RXFP2: variants seen among roughly 807,000 people sequenced by gnomAD.
RXFP2 encodes relaxin receptor 2.
Under a neutral mutation model 88.6 loss-of-function variants are expected in RXFP2, and 68 were observed. The ratio of observed to expected loss-of-function variants is 0.77; its 90% CI spans 0.63 to 0.94. The LOEUF is 0.94. Among genes scored for constraint, RXFP2 ranks in the 40% least tolerant of loss-of-function variants. RXFP2 has a pLI of 0.00. For synonymous variants in RXFP2, 329 were observed against 306.8 expected (o/e 1.07, Z -0.76); for missense variants, 791 against 893.9 (o/e 0.88, Z 1.47).
chr13:31,773,461 A>AC (rs1314936997), intron 5 of RXFP2, among the ~76,000 whole-genome samples: 2 of 149,056 alleles, frequency 1.3e-5, no homozygotes, highest in Non-Finnish European at 3.0e-5. Flanking sequence ...ATTTACTTTC[A>AC]CTTTCTTTTT....
chr13:31,776,035 C>CT (rs1566227633), intron 7 of RXFP2, among the ~76,000 whole-genome samples: 3 of 151,900 alleles, frequency 2.0e-5, no homozygotes, highest in Non-Finnish European at 4.4e-5. Context: ...TTCCAGGCAA[C>CT]TTTTTCTTTC....
intron 17 of RXFP2, among the ~76,000 whole-genome samples, chr13:31,799,659 G>T (rs992896062): frequency 6.6e-6 from 1 of 152,156 alleles, no homozygotes; most frequent in Non-Finnish European, 1.5e-5. Context: ...ATCTCAGGGA[G>T]ACCATCTCAC....
chr13:31,747,886 T>C (rs1871492023), intron 1 of RXFP2, among the ~76,000 whole-genome samples: 2 of 152,286 alleles, frequency 1.3e-5, no homozygotes, highest in South Asian at 4.1e-4. Flanking sequence ...TCTGAGATGA[T>C]CATCAAAGAA....
Position 31,802,175 on chromosome 13 carries a change from T to G in RXFP2, c.2035T>G (p.Phe679Val). The G allele has an allele frequency of 6.2e-7, 1 of 1,614,158 alleles. No individual in the cohort carries two copies. The highest frequency in any genetic ancestry group is 1.3e-5 in the African/African-American group (1 of 75,060). The stretch of plus-strand genomic sequence containing the variant: ...AATGACTTCCTGGATAGTGATTTTT[T>G]TCCTTCCAGTTAACAGTGCTTTGAA... The part of the protein sequence containing the change: ...DTMTSWIVIF[F>V]LPVNSALNPI... The change falls in exon 18 of 18, where the codon TTC becomes GTC. Residue 679 changes from phenylalanine to valine, a missense_variant. Physicochemically the swap from Phe to Val is conservative, Grantham distance 50. Coordinates refer to ENST00000298386, the MANE Select transcript of RXFP2 (RefSeq NM_130806.5).
chr13:31,781,826 A>C, intron 10 of RXFP2, 84 bp downstream of exon 10: 1 of 1,109,816 alleles, frequency 9.0e-7, no homozygotes, highest in Non-Finnish European at 1.4e-6. Flanking sequence ...AAAAATTTTA[A>C]AGTAGTGTTT....
At chr13:31,773,526 G>A (rs1872810072) in intron 5 of RXFP2, among the ~76,000 whole-genome samples, 1 of 151,478 alleles carries the variant, frequency 6.6e-6, no homozygotes, top group Non-Finnish European at 1.5e-5. Context: ...TAAGTGTACA[G>A]TTTAGTGGTA....
chr13:31,740,152 A>T (rs899343874), intron 1 of RXFP2, among the ~76,000 whole-genome samples: 2 of 152,142 alleles, frequency 1.3e-5, no homozygotes, highest in Non-Finnish European at 2.9e-5. Context: ...CCACAGGCAG[A>T]TCTAAAAAAC....
intron 15 of RXFP2, among the ~76,000 whole-genome samples, chr13:31,792,395 A>G (rs759899624): frequency 1.5e-4 from 23 of 152,200 alleles, no homozygotes; most frequent in Non-Finnish European, 2.5e-4. Context: ...TGAAGATACT[A>G]TATGTTAACT....
chr13:31,793,431 C>CTT lies in RXFP2; in HGVS notation c.1786+356_1786+357dup, dbSNP rs35293680. On this transcript the variant is annotated intron_variant, in intron 16 of 17. Coordinates refer to ENST00000298386, the MANE Select transcript of RXFP2 (RefSeq NM_130806.5). ...GTAAACCTACCAAGTTATTTAAACT[C>CTT]TTTTTTTTTTTTTTACAATCTAGTT... 5.9e-4 allele frequency among the ~76,000 whole-genome samples: 86 copies of CTT among 144,612 alleles called. 1 individual carries two copies. The highest frequency in any genetic ancestry group is 3.6e-3 in the Middle Eastern group (1 of 276). 94.9% of individuals were successfully genotyped at this position (144,612 alleles called of 152,430 possible).
chr13:31,746,540 C>T (rs1028973808), intron 1 of RXFP2, among the ~76,000 whole-genome samples: 2 of 152,148 alleles, frequency 1.3e-5, no homozygotes, highest in African/African-American at 2.4e-5. Context: ...ACCACTCCCA[C>T]CTTTAAGAGA....
chr13:31,742,954 A>G (rs943235595), intron 1 of RXFP2, among the ~76,000 whole-genome samples: 1 of 152,214 alleles, frequency 6.6e-6, no homozygotes, highest in African/African-American at 2.4e-5. Flanking sequence ...CTTGTTTCAC[A>G]TGTGAAGTAG....
Position 31,802,617 on chromosome 13 carries a change from C to A in RXFP2, c.*212C>A. ...AGCACCAAAGGTTCCTCTCCTCACCCCACATGCCTGAAAAGCACATGTGAA... is the reference window on the plus strand; with the variant it reads ...AGCACCAAAGGTTCCTCTCCTCACCACACATGCCTGAAAAGCACATGTGAA... On this transcript the variant is annotated 3_prime_UTR_variant, in exon 18 of 18. Coordinates refer to ENST00000298386, the MANE Select transcript of RXFP2 (RefSeq NM_130806.5). 1.7e-6 allele frequency: 1 copy of A among 585,480 alleles called. No homozygotes were observed. 36.3% of individuals were successfully genotyped at this position (585,480 alleles called of 1,614,324 possible).
chr13:31,777,262 C>A, intron 7 of RXFP2, 114 bp from the exon 8 acceptor site: 1 of 719,794 alleles, frequency 1.4e-6, no homozygotes. Flanking sequence ...AGGGAAGGGA[C>A]AGGTGAGCCA....
At chr13:31,767,899 T>C (rs909797899) in intron 5 of RXFP2, among the ~76,000 whole-genome samples, 5 of 152,090 alleles carry the variant, frequency 3.3e-5, no homozygotes, top group Non-Finnish European at 7.4e-5. Flanking sequence ...AGCTGACTTC[T>C]GGGGAGGGGG....
intron 9 of RXFP2, 49 bp from the exon 10 acceptor site, chr13:31,781,622 A>T: frequency 7.5e-7 from 1 of 1,339,630 alleles, no homozygotes; most frequent in East Asian, 2.3e-5. Flanking sequence ...CTCTAAGCAT[A>T]TGATTTGTAC....
chr13:31,773,322 C>A (rs1305237021), intron 5 of RXFP2, among the ~76,000 whole-genome samples: 1 of 152,142 alleles, frequency 6.6e-6, no homozygotes, highest in Non-Finnish European at 1.5e-5. Flanking sequence ...TTCTGTAGTG[C>A]CAACACTTGG....
intron 2 of RXFP2, among the ~76,000 whole-genome samples, chr13:31,760,385 T>C (rs9549007): frequency 0.5 from 76,676 of 152,072 alleles, 20,175 homozygotes; most frequent in Admixed American, 0.6. Context: ...GCCACTGCGC[T>C]TGGCCCTTAT....
intron 11 of RXFP2, 62 bp from the exon 12 acceptor site, chr13:31,786,321 G>A: frequency 9.3e-7 from 1 of 1,076,136 alleles, no homozygotes; most frequent in Admixed American, 1.7e-5. Context: ...TAATTGTGAG[G>A]AGTAATAAGT....
intron 5 of RXFP2, among the ~76,000 whole-genome samples, chr13:31,768,434 T>A (rs1872627996): frequency 6.6e-6 from 1 of 152,226 alleles, no homozygotes; most frequent in African/African-American, 2.4e-5. Context: ...ATTTTCACTT[T>A]GGCTTTGATC....
Sources: gnomAD v4.1 joint callset for allele counts (sites outside exome capture counted in the v4.1 genomes callset) on GRCh38, gnomAD v4.1.1 for gene constraint, MANE v1.5 for transcripts, NCBI Gene and HGNC (gene_info 2026-07-23, HGNC 2026-07-21) for gene names.